HOPX: variants seen among roughly 807,000 people sequenced by gnomAD.
HOPX encodes homeodomain-only protein.
Under a neutral mutation model 11.8 loss-of-function variants are expected in HOPX, and 5 were observed. That is an observed-to-expected ratio of 0.43 (90% CI 0.22 to 0.89). The LOEUF is 0.89. Ranked by LOEUF, HOPX falls within the 40% of genes least tolerant of loss-of-function variation. HOPX has a pLI of 0.28. For missense variants in HOPX, 119 were observed against 120.0 expected (o/e 0.99, Z 0.04); for synonymous variants, 49 against 49.7 (o/e 0.99, Z 0.06).
chr4:56,656,191 C>T (rs999217311), intron 2 of HOPX, 179 bp from the exon 3 acceptor site: 18 of 1,117,216 alleles, frequency 1.6e-5, no homozygotes, highest in Non-Finnish European at 1.7e-5. Flanking sequence ...GGCTGCCCCC[C>T]ACCCGGGCCT....
chr4:56,669,335 G>A (rs1465396633), intron 1 of HOPX, among the ~76,000 whole-genome samples: 1 of 152,172 alleles, frequency 6.6e-6, no homozygotes, highest in African/African-American at 2.4e-5. Flanking sequence ...CAACCTGGCT[G>A]TTGAGTTAAT....
intron 1 of HOPX, among the ~76,000 whole-genome samples, chr4:56,662,144 G>A (rs1013143991): frequency 1.4e-4 from 22 of 152,322 alleles, no homozygotes; most frequent in Non-Finnish European, 2.5e-4. Flanking sequence ...AAGTGTAAAA[G>A]AAAGATGGAC....
At chr4:56,661,951 ACTC>A (rs1718161690) in intron 1 of HOPX, among the ~76,000 whole-genome samples, 1 of 152,076 alleles carries the variant, frequency 6.6e-6, no homozygotes, top group Admixed American at 6.6e-5. Flanking sequence ...CCTCTACAGA[ACTC>A]CTGGGAGTCA....
At chr4:56,669,842 T>C (rs1238011450) in intron 1 of HOPX, among the ~76,000 whole-genome samples, 1 of 152,144 alleles carries the variant, frequency 6.6e-6, no homozygotes, top group Non-Finnish European at 1.5e-5. Flanking sequence ...GGTATCACTG[T>C]TGCTGTTAGG....
intron 3 of HOPX, chr4:56,650,699 C>T (rs1231916810): frequency 6.4e-7 from 1 of 1,551,714 alleles, no homozygotes; most frequent in Non-Finnish European, 8.7e-7. Flanking sequence ...ACTGGGGCGG[C>T]AGTAGAGAAA....
At chr4:56,664,099 C>T (rs1718298962) in intron 1 of HOPX, 1 of 151,748 alleles carries the variant, frequency 6.6e-6, no homozygotes, top group South Asian at 2.1e-4. Context: ...TTATAGGGAA[C>T]ATGTCTCTCA....
chr4:56,676,987 A>G (rs1477402674), intron 1 of HOPX, among the ~76,000 whole-genome samples: 3 of 151,830 alleles, frequency 2.0e-5, no homozygotes, highest in Non-Finnish European at 4.4e-5. Context: ...CAGCTGCACA[A>G]CTGGGTCCCC....
At chr4:56,651,237 T>C (rs1717139702) in intron 3 of HOPX, 1 of 154,160 alleles carries the variant, frequency 6.5e-6, no homozygotes. Flanking sequence ...TGTGGTTTTG[T>C]GAGTTGGTAC....
intron 1 of HOPX, among the ~76,000 whole-genome samples, chr4:56,675,110 G>T (rs1718943000): frequency 6.6e-6 from 1 of 151,464 alleles, no homozygotes; most frequent in Non-Finnish European, 1.5e-5. Flanking sequence ...ACAATTCCTT[G>T]AATGCCCGAC....
chr4:56,656,839 G>C (rs1717781933), intron 2 of HOPX, among the ~76,000 whole-genome samples: 1 of 152,120 alleles, frequency 6.6e-6, no homozygotes. Flanking sequence ...CAGTCACCAG[G>C]CCACTATTCC....
chr4:56,672,523 A>T (rs1384226290), intron 1 of HOPX: 1 of 151,802 alleles, frequency 6.6e-6, no homozygotes, highest in Non-Finnish European at 1.5e-5. Context: ...TGGGCGACAG[A>T]GCAAAACTTT....
intron 1 of HOPX, chr4:56,680,823 G>A (rs1045596176): frequency 3.0e-5 from 5 of 168,356 alleles, no homozygotes; most frequent in African/African-American, 1.2e-4. Flanking sequence ...ACTTCCCCTT[G>A]TCAAACACAA....
chr4:56,661,116 C>T (rs1718094362), intron 1 of HOPX, among the ~76,000 whole-genome samples: 2 of 152,092 alleles, frequency 1.3e-5, no homozygotes, highest in Non-Finnish European at 2.9e-5. Context: ...CCAGCCACTG[C>T]TTTTTAAATT....
chr4:56,653,423 G>C (rs148670442), intron 3 of HOPX, among the ~76,000 whole-genome samples: 94 of 152,222 alleles, frequency 6.2e-4, no homozygotes, highest in African/African-American at 2.0e-3. Context: ...GATGAAAGAA[G>C]AAATCATTCT....
intron 1 of HOPX, chr4:56,680,541 G>C (rs749041319): frequency 6.6e-6 from 1 of 152,060 alleles, no homozygotes; most frequent in Non-Finnish European, 1.5e-5. Flanking sequence ...TTCTCTTTAA[G>C]AGCTTCTTAT....
chr4:56,657,480 T>C (rs1038817667), intron 2 of HOPX, among the ~76,000 whole-genome samples: 1 of 152,180 alleles, frequency 6.6e-6, no homozygotes, highest in African/African-American at 2.4e-5. Flanking sequence ...CATCTTCTAC[T>C]TCCTAAATAA....
At chr4:56,670,765 G>A (rs1219283517) in intron 1 of HOPX, among the ~76,000 whole-genome samples, 1 of 152,224 alleles carries the variant, frequency 6.6e-6, no homozygotes, top group African/African-American at 2.4e-5. Flanking sequence ...GGGAGGCTGA[G>A]GCGAGCGGAT....
chr4:56,663,676 G>A (rs1405832524), intron 1 of HOPX: 2 of 152,152 alleles, frequency 1.3e-5, no homozygotes, highest in African/African-American at 2.4e-5. Flanking sequence ...GAGTAGAAAC[G>A]AGGTTTCACT....
At chr4:56,667,064 G>A (rs1449260269) in intron 1 of HOPX, among the ~76,000 whole-genome samples, 1 of 152,210 alleles carries the variant, frequency 6.6e-6, no homozygotes, top group Non-Finnish European at 1.5e-5. Flanking sequence ...TCAAGGAACT[G>A]TTGAGGACTG....
Sources: gnomAD v4.1 joint callset for allele counts (sites outside exome capture counted in the v4.1 genomes callset) on GRCh38, gnomAD v4.1.1 for gene constraint, MANE v1.5 for transcripts, NCBI Gene and HGNC (gene_info 2026-07-23, HGNC 2026-07-21) for gene names.